The following GPC6 variants were observed in gnomAD, a reference collection of about 807,000 sequenced individuals.
The protein encoded by GPC6 is glypican 6.
In GPC6, 14 loss-of-function variants were observed where a neutral mutation model predicts 55.2. The ratio of observed to expected loss-of-function variants is 0.25; its 90% CI spans 0.17 to 0.40. The LOEUF (loss-of-function observed/expected upper bound fraction) is 0.40. Ranked by LOEUF, GPC6 falls within the 10% of genes least tolerant of loss-of-function variation. The pLI, the probability that GPC6 is intolerant of heterozygous loss-of-function variation, is 1.00. For missense variants in GPC6, 641 were observed against 708.5 expected (o/e 0.90, Z 1.08); for synonymous variants, 278 against 259.6 (o/e 1.07, Z -0.68).
chr13:93,744,914 G>C (rs1884347623), intron 2 of GPC6, among the ~76,000 whole-genome samples: 1 of 151,032 alleles, frequency 6.6e-6, no homozygotes, highest in African/African-American at 2.4e-5. Context: ...TCCAGTGTGG[G>C]CAACAGAGCA....
rs559010247 is a variant in GPC6, at chr13:94,158,191, G to A, written c.878-128158G>A. ...AACCTCTCCATGGAACATGCATTTT[G>A]TAATAGCAAAATTATCAAGAGCCTT... On this transcript the variant is annotated intron_variant, in intron 4 of 8. Coordinates refer to ENST00000377047, the MANE Select transcript of GPC6 (RefSeq NM_005708.5). Among the ~76,000 whole-genome samples, 20 of 152,192 alleles carry A rather than the reference G, an allele frequency of 1.3e-4. No homozygotes were observed. The South Asian group carries it at 2.3e-3, about 17-fold the overall frequency.
chr13:93,442,194 C>A (rs1402616505), intron 1 of GPC6, among the ~76,000 whole-genome samples: 1 of 152,070 alleles, frequency 6.6e-6, no homozygotes, highest in African/African-American at 2.4e-5. Context: ...GAAAAGGATC[C>A]ACCAGAGGCT....
At chr13:93,428,478 A>G (rs1430581021) in intron 1 of GPC6, among the ~76,000 whole-genome samples, 4 of 152,156 alleles carry the variant, frequency 2.6e-5, no homozygotes, top group African/African-American at 7.2e-5. Context: ...TCTCTCCATT[A>G]GAATATCATC....
At chr13:93,271,604 C>A (rs1409934362) in intron 1 of GPC6, among the ~76,000 whole-genome samples, 1 of 151,968 alleles carries the variant, frequency 6.6e-6, no homozygotes, top group Non-Finnish European at 1.5e-5. Context: ...ATAATACAAC[C>A]ATGCTTAGAA....
rs554020027 is a variant in GPC6 at position 94,020,641 on chromosome 13, G to C, written c.712-7088G>C. Among the ~76,000 whole-genome samples the C allele has an allele frequency of 9.1e-4, 138 of 152,208 alleles. 2 individuals are homozygous for C. The South Asian group carries it at 0.028, about 31-fold the overall frequency. ...ATGCCTTCCTTCAAGAGCCCTCCCT[G>C]TCTACTCTGGCTTCTCAGTTCTAAG... On this transcript the variant is annotated intron_variant, in intron 3 of 8. Coordinates refer to ENST00000377047, the MANE Select transcript of GPC6 (RefSeq NM_005708.5).
chr13:94,237,199 G>A, intron 4 of GPC6, among the ~76,000 whole-genome samples: 1 of 152,120 alleles, frequency 6.6e-6, no homozygotes, highest in East Asian at 1.9e-4. Context: ...GATTAAAATG[G>A]AATTGGTACA....
chr13:94,287,699 G>A (rs1892567971), intron 5 of GPC6, among the ~76,000 whole-genome samples: 1 of 152,098 alleles, frequency 6.6e-6, no homozygotes, highest in Non-Finnish European at 1.5e-5. Context: ...TAGCACATTT[G>A]GGGTTTCCAT....
chr13:94,173,353 C>T (rs1369272993), intron 4 of GPC6, among the ~76,000 whole-genome samples: 3 of 152,118 alleles, frequency 2.0e-5, no homozygotes, highest in Non-Finnish European at 2.9e-5. Flanking sequence ...TGGTACAGTT[C>T]GAACCAAGGA....
chr13:93,950,686 T>C (rs995725684), intron 3 of GPC6, among the ~76,000 whole-genome samples: 8 of 152,196 alleles, frequency 5.3e-5, no homozygotes, highest in Non-Finnish European at 1.2e-4. Context: ...TCTGCAGACA[T>C]CTATATTTTC....
chr13:94,349,903 C>T (rs925906548), intron 6 of GPC6, among the ~76,000 whole-genome samples: 13 of 152,150 alleles, frequency 8.5e-5, no homozygotes, highest in African/African-American at 9.6e-5. Context: ...CTAACCCAGT[C>T]GGTGACGAAC....
At chr13:94,320,590 C>T (rs1876769305) in intron 6 of GPC6, among the ~76,000 whole-genome samples, 1 of 152,166 alleles carries the variant, frequency 6.6e-6, no homozygotes, top group African/African-American at 2.4e-5. Flanking sequence ...GTGATACTGG[C>T]TCGTCACTTT....
At chr13:94,099,177 A>G (rs1285684959) in intron 4 of GPC6, among the ~76,000 whole-genome samples, 4 of 152,192 alleles carry the variant, frequency 2.6e-5, no homozygotes, top group Non-Finnish European at 5.9e-5. Context: ...TTCATCTTAA[A>G]TGTCTTATGG....
intron 2 of GPC6, among the ~76,000 whole-genome samples, chr13:93,744,134 A>G (rs901434940): frequency 1.3e-5 from 2 of 152,114 alleles, no homozygotes; most frequent in Non-Finnish European, 2.9e-5. Flanking sequence ...GTTTGTCACT[A>G]GATACATCTT....
At chr13:93,880,010 A>G (rs925056786) in intron 3 of GPC6, among the ~76,000 whole-genome samples, 23 of 151,394 alleles carry the variant, frequency 1.5e-4, no homozygotes, top group African/African-American at 5.3e-4. Context: ...CAAAACCACA[A>G]TGAGATACCA....
chr13:94,238,292 T>C (rs979847100), intron 4 of GPC6, among the ~76,000 whole-genome samples: 4 of 152,094 alleles, frequency 2.6e-5, no homozygotes, highest in African/African-American at 9.7e-5. Context: ...ATATTTAAGG[T>C]CAAGGGTCTG....
intron 1 of GPC6, among the ~76,000 whole-genome samples, chr13:93,359,130 C>G (rs192070189): frequency 8.6e-5 from 13 of 151,998 alleles, no homozygotes; most frequent in African/African-American, 2.9e-4. Context: ...CCATGCTAGG[C>G]TAATTTTAAA....
intron 6 of GPC6, among the ~76,000 whole-genome samples, chr13:94,366,995 G>A (rs1476764579): frequency 3.9e-5 from 6 of 152,220 alleles, no homozygotes; most frequent in Admixed American, 6.5e-5. Flanking sequence ...TCTGCTATGT[G>A]CTCAAGCCCT....
chr13:93,790,873 G>A (rs1886010140), intron 2 of GPC6, among the ~76,000 whole-genome samples: 1 of 152,144 alleles, frequency 6.6e-6, no homozygotes, highest in African/African-American at 2.4e-5. Flanking sequence ...CCTTAAAAGA[G>A]GAAAGGTTTT....
In GPC6 at chr13:93,227,355, G is replaced by A. The variant is rs1875825958; in HGVS notation, c.-102G>A. ...CAGAAGGGGGTGACGCTGGGCAGCG[G>A]CGAGGAGCGCGCCGCTGCCTCTGGC... On this transcript the variant is annotated 5_prime_UTR_variant, in exon 1 of 9. Coordinates refer to ENST00000377047, the MANE Select transcript of GPC6 (RefSeq NM_005708.5). The surrounding 1 kb of genome is among the most constrained non-coding windows in gnomAD (Gnocchi z 4.3). 9 of 1,188,624 alleles carry A rather than the reference G, an allele frequency of 7.6e-6. No homozygotes were observed. In the South Asian group the frequency reaches 8.2e-5, roughly 11 times the overall value. 73.6% of individuals were successfully genotyped at this position (1,188,624 alleles called of 1,614,324 possible).
Sources: gnomAD v4.1 joint callset for allele counts (sites outside exome capture counted in the v4.1 genomes callset) on GRCh38, gnomAD v4.1.1 for gene constraint, Gnocchi (gnomAD v3.1) non-coding constraint, MANE v1.5 for transcripts, NCBI Gene and HGNC (gene_info 2026-07-23, HGNC 2026-07-21) for gene names.